SH2D4A: variants seen among roughly 807,000 people sequenced by gnomAD.
SH2D4A encodes SH2 domain-containing protein 4A.
SH2D4A carries 70 observed loss-of-function variants against 64.7 expected under a neutral mutation model. The observed-to-expected ratio is 1.08, with a 90% CI of 0.89 to 1.32. SH2D4A has a LOEUF of 1.32. SH2D4A is among the 40% of genes most tolerant of loss of function. The pLI, the probability that SH2D4A is intolerant of heterozygous loss-of-function variation, is 0.00. For missense variants in SH2D4A, 706 were observed against 540.1 expected, an observed-to-expected ratio of 1.31 and a Z score of -3.04; for synonymous variants, 268 against 200.7, an observed-to-expected ratio of 1.34 and a Z score of -2.83.
intron 1 of SH2D4A, among the ~76,000 whole-genome samples, chr8:19,316,655 T>C (rs7005298): frequency 0.73 from 111,315 of 152,118 alleles, 40,839 homozygotes; most frequent in Middle Eastern, 0.8. Flanking sequence ...TTTCTGTTGC[T>C]GCAGGAATTT....
At position 19,333,113 on chromosome 8, in the gene SH2D4A, A is replaced by G; in HGVS notation, c.340A>G (p.Arg114Gly). 1 of 1,605,890 alleles carries G rather than the reference A, an allele frequency of 6.2e-7. No individual in the cohort carries two copies. Among genetic ancestry groups the G allele is most frequent in the Non-Finnish European group, 8.5e-7 (1 of 1,177,952 alleles). Residue 114 changes from arginine (R) to glycine (G), a missense_variant and splice_region_variant, in exon 3 of 10, where the codon AGA (arginine) becomes GGA (glycine). Arg to Gly is a moderately radical substitution (Grantham distance 125). Transcript: ENST00000265807. ...AGCAGAACAGGAGGCAGAAGAGCCC[A>G]GGTATGAGATCTGCAAACCAACCAG... ...LKAEQEAEEPRKTHSEEFTNS... is the reference protein window; with the variant it reads ...LKAEQEAEEPGKTHSEEFTNS...
At chr8:19,328,362 T>C (rs77034595) in intron 2 of SH2D4A, among the ~76,000 whole-genome samples, 1 of 144,304 alleles carries the variant, frequency 6.9e-6, no homozygotes, top group East Asian at 2.0e-4. Flanking sequence ...AAACAGCTTG[T>C]TTTTTTTTTT....
chr8:19,343,736 A>G (rs1481614474), intron 4 of SH2D4A, among the ~76,000 whole-genome samples: 1 of 152,134 alleles, frequency 6.6e-6, no homozygotes, highest in Non-Finnish European at 1.5e-5. Flanking sequence ...AATCTGTGTA[A>G]TGATAGGCAT....
At chr8:19,326,703 GCCTCTCCCC>G (rs1268652431) in intron 2 of SH2D4A, among the ~76,000 whole-genome samples, 4 of 152,004 alleles carry the variant, frequency 2.6e-5, no homozygotes, top group African/African-American at 7.3e-5. Context: ...ATGTGTGCCT[GCCTCTCCCC>G]CCTCTCGCAC....
rs1050476240 is a variant in SH2D4A, at chr8:19,315,529, A to C, written c.-205+1706A>C. On this transcript the variant is annotated intron_variant, in intron 1 of 9. Transcript: ENST00000265807. ...TCAAAAGACAGTTGTATTGTAGAAC[A>C]GTGTGAAGGTGTGAGAATCAGGCCA... Among the ~76,000 whole-genome samples, 14 of 152,230 alleles carry C rather than the reference A, an allele frequency of 9.2e-5. 1 individual carries two copies. The highest frequency in any genetic ancestry group is 8.5e-4 in the Admixed American group (13 of 15,280).
rs2052418756 is a variant in SH2D4A, at chr8:19,334,812, G to T, written c.468G>T (p.Glu156Asp). Reference protein sequence around the residue: ...WKKVAEKEELEQGSRPAPTLE... With the variant: ...WKKVAEKEELDQGSRPAPTLE... ...AAGTGGCAGAAAAGGAGGAACTGGA[G>T]CAAGGATCGAGGCCAGCACCAACCC... The change falls in exon 4 of 10, where the codon GAG (glutamate) becomes GAT (aspartate). Residue 156 changes from glutamate to aspartate, a missense_variant. Coordinates refer to ENST00000265807, the MANE Select transcript of SH2D4A (RefSeq NM_022071.4). 3 of 1,613,910 alleles carry T rather than the reference G, an allele frequency of 1.9e-6. No homozygotes were observed. Among genetic ancestry groups the T allele is most frequent in the Non-Finnish European group, 2.5e-6 (3 of 1,179,992 alleles).
intron 5 of SH2D4A, chr8:19,360,967 C>T: frequency 3.2e-6 from 1 of 308,100 alleles, no homozygotes; most frequent in Non-Finnish European, 6.0e-6. Context: ...GGGAAACAGC[C>T]CAAGAGAGGT....
At chr8:19,318,852 T>C (rs2052134299) in intron 1 of SH2D4A, among the ~76,000 whole-genome samples, 1 of 152,244 alleles carries the variant, frequency 6.6e-6, no homozygotes, top group African/African-American at 2.4e-5. Flanking sequence ...TTTTTATTTC[T>C]TCCTTTTTCT....
intron 8 of SH2D4A, among the ~76,000 whole-genome samples, chr8:19,377,628 G>C (rs2053217767): frequency 6.6e-6 from 1 of 151,990 alleles, no homozygotes; most frequent in Non-Finnish European, 1.5e-5. Context: ...TATACACATA[G>C]ACAGGCTCAT....
intron 1 of SH2D4A, among the ~76,000 whole-genome samples, chr8:19,315,373 C>T (rs981042851): frequency 2.0e-5 from 3 of 152,190 alleles, no homozygotes; most frequent in Non-Finnish European, 4.4e-5. Flanking sequence ...TGAGCTCCAG[C>T]AATCCACCCA....
intron 9 of SH2D4A, 36 bp from the exon 10 acceptor site, chr8:19,394,513 AC>A (rs2053553692): frequency 6.9e-7 from 1 of 1,453,762 alleles, no homozygotes; most frequent in Non-Finnish European, 9.5e-7. Flanking sequence ...TGTGGTCACT[AC>A]TTACACTATC....
chr8:19,364,038 A>ATG (rs1681664748), intron 6 of SH2D4A, 34 bp from the exon 7 acceptor site: 2 of 1,607,108 alleles, frequency 1.2e-6, no homozygotes, highest in South Asian at 2.2e-5. Context: ...CTGTGGGCTG[A>ATG]TGAGGGTTTT....
At chr8:19,369,563 G>C (rs1481364988) in intron 7 of SH2D4A, among the ~76,000 whole-genome samples, 1 of 151,954 alleles carries the variant, frequency 6.6e-6, no homozygotes, top group Non-Finnish European at 1.5e-5. Context: ...AATTTTGGTA[G>C]GTTGTATGTG....
At chr8:19,353,400 G>A (rs1477867818) in intron 4 of SH2D4A, among the ~76,000 whole-genome samples, 9 of 130,036 alleles carry the variant, frequency 6.9e-5, no homozygotes, top group Non-Finnish European at 1.4e-4. Context: ...ACGGAGTCTT[G>A]CTCTGTCACC....
chr8:19,315,139 A>G (rs899817434), intron 1 of SH2D4A, among the ~76,000 whole-genome samples: 2 of 152,000 alleles, frequency 1.3e-5, no homozygotes, highest in African/African-American at 4.8e-5. Context: ...CACCGACCTA[A>G]TGTTTTTAAT....
chr8:19,345,070 G>C (rs1205185194), intron 4 of SH2D4A, among the ~76,000 whole-genome samples: 1 of 152,166 alleles, frequency 6.6e-6, no homozygotes, highest in Non-Finnish European at 1.5e-5. Context: ...TGTCTCTGCA[G>C]GTCTTTTGTT....
intron 7 of SH2D4A, among the ~76,000 whole-genome samples, chr8:19,368,074 G>A (rs1210070606): frequency 6.6e-6 from 1 of 151,984 alleles, no homozygotes; most frequent in Non-Finnish European, 1.5e-5. Flanking sequence ...TCTTATACAT[G>A]TCACTATCTA....
chr8:19,383,930 A>G (rs527786147), intron 8 of SH2D4A, among the ~76,000 whole-genome samples: 173 of 152,294 alleles, frequency 1.1e-3, no homozygotes, highest in African/African-American at 3.8e-3. Context: ...TCTATGTCAT[A>G]GGGTTGTTTT....
chr8:19,318,149 C>T (rs775513631), intron 1 of SH2D4A, among the ~76,000 whole-genome samples: 1 of 152,176 alleles, frequency 6.6e-6, no homozygotes, highest in Non-Finnish European at 1.5e-5. Context: ...CGTGATCCCC[C>T]CTCTTTGGCC....
Sources: gnomAD v4.1 joint callset for allele counts (sites outside exome capture counted in the v4.1 genomes callset) on GRCh38, gnomAD v4.1.1 for gene constraint, MANE v1.5 for transcripts, NCBI Gene and HGNC (gene_info 2026-07-23, HGNC 2026-07-21) for gene names.